The following FNBP1 variants were observed in gnomAD, a reference collection of about 807,000 sequenced individuals.
FNBP1 encodes formin-binding protein 1.
In FNBP1, 26 loss-of-function variants were observed where a neutral mutation model predicts 90.6. The ratio of observed to expected loss-of-function variants is 0.29; its 90% CI spans 0.21 to 0.40. The LOEUF (loss-of-function observed/expected upper bound fraction) is 0.40. Among genes scored for constraint, FNBP1 ranks in the 10% least tolerant of loss-of-function variants. The probability of loss-of-function intolerance (pLI) is 1.00; values close to 1 mark genes in which losing one functional copy is unlikely to be tolerated. For synonymous variants in FNBP1, 260 were observed against 265.2 expected (o/e 0.98, Z 0.19); for missense variants, 635 against 768.0 (o/e 0.83, Z 2.05).
At chr9:130,032,087 C>A (rs1291806052) in intron 1 of FNBP1, among the ~76,000 whole-genome samples, 3 of 152,076 alleles carry the variant, frequency 2.0e-5, no homozygotes, top group Non-Finnish European at 4.4e-5. Flanking sequence ...CCTAGAATGA[C>A]AGGGAGACTT....
At chr9:129,908,456 C>T (rs1312423970) in intron 12 of FNBP1, among the ~76,000 whole-genome samples, 2 of 151,508 alleles carry the variant, frequency 1.3e-5, no homozygotes, top group Non-Finnish European at 2.9e-5. Context: ...CTTCCTGCCT[C>T]AGCCTCCCAA....
In FNBP1 at chr9:129,889,521, G is replaced by A. The variant is rs1355288655; in HGVS notation, c.*1018C>T. On this transcript the variant is annotated 3_prime_UTR_variant, in exon 17 of 17. Transcript: ENST00000446176. ...GGAGGTGGAGGTTGTAGTGAGCCGA[G>A]ATCATGCCACTGCACTCCAGTCTGA... The A allele has an allele frequency of 7.5e-5, 14 of 186,962 alleles. No individual in the cohort carries two copies. Among genetic ancestry groups the A allele is most frequent in the African/African-American group, 3.4e-4 (14 of 40,598 alleles). 11.6% of individuals were successfully genotyped at this position (186,962 alleles called of 1,614,324 possible). A position where few individuals can be genotyped will look rare whatever the true frequency, so the allele number is the denominator to read the frequency against.
chr9:130,034,815 T>C (rs1488274502), intron 1 of FNBP1, among the ~76,000 whole-genome samples: 4 of 151,984 alleles, frequency 2.6e-5, no homozygotes, highest in Non-Finnish European at 5.9e-5. Flanking sequence ...GAAATATGAG[T>C]GAGTGGTGGG....
At chr9:130,051,842 G>A in the FNBP1 span, among the ~76,000 whole-genome samples, 1 of 152,012 alleles carries the variant, frequency 6.6e-6, no homozygotes, top group Non-Finnish European at 1.5e-5. Context: ...AAAATAAAAT[G>A]TACTTGACTA....
At chr9:129,992,580 G>T (rs2053358137) in intron 2 of FNBP1, among the ~76,000 whole-genome samples, 1 of 118,754 alleles carries the variant, frequency 8.4e-6, no homozygotes, top group Admixed American at 1.1e-4. Context: ...TTGAGATGGA[G>T]TCTTGCTCTG....
chr9:130,041,691 T>G lies in FNBP1; in HGVS notation c.24+1261A>C, dbSNP rs1183732524. ...GAATTATCTTAATTTAAGGGAGCTATTGCCCTCAGGATTTTGGTAATAACA... is the reference window on the plus strand; with the variant it reads ...GAATTATCTTAATTTAAGGGAGCTAGTGCCCTCAGGATTTTGGTAATAACA... On this transcript the variant is annotated intron_variant, in intron 1 of 16. Transcript: ENST00000446176. The surrounding 1 kb of genome is among the most constrained non-coding windows in gnomAD (Gnocchi z 4.3). Among the ~76,000 whole-genome samples the G allele has an allele frequency of 6.6e-6, 1 of 152,240 alleles. No individual in the cohort carries two copies. The highest frequency in any genetic ancestry group is 1.5e-5 in the Non-Finnish European group (1 of 68,044).
chr9:130,019,252 G>A (rs2057570424), intron 1 of FNBP1, among the ~76,000 whole-genome samples: 1 of 147,154 alleles, frequency 6.8e-6, no homozygotes. Context: ...AGTGAGCCGA[G>A]ATCGCGCCAC....
chr9:130,051,998 G>T, the FNBP1 span, among the ~76,000 whole-genome samples: 1 of 152,142 alleles, frequency 6.6e-6, no homozygotes, highest in Non-Finnish European at 1.5e-5. Context: ...CAGCCTGTTT[G>T]TTTCCAGTTA....
rs2059831857 is a variant in FNBP1, at chr9:130,041,703, T to G, written c.24+1249A>C. Among the ~76,000 whole-genome samples, 2 of 152,242 alleles carry G rather than the reference T, an allele frequency of 1.3e-5. No individual in the cohort carries two copies. On this transcript the variant is annotated intron_variant, in intron 1 of 16. Transcript: ENST00000446176. This position sits in a 1 kb window ranked among gnomAD's most constrained non-coding sequence, Gnocchi z 4.3. Reference sequence around the variant, plus strand: ...TTTAAGGGAGCTATTGCCCTCAGGATTTTGGTAATAACAACCGTAGCTGCT... The same window carrying G: ...TTTAAGGGAGCTATTGCCCTCAGGAGTTTGGTAATAACAACCGTAGCTGCT...
chr9:130,043,003 G>A lies in FNBP1; in HGVS notation c.-28C>T. The A allele has an allele frequency of 1.6e-6, 2 of 1,223,924 alleles. No individual in the cohort carries two copies. Among genetic ancestry groups the A allele is most frequent in the Non-Finnish European group, 2.0e-6 (2 of 983,212 alleles). 75.8% of individuals were successfully genotyped at this position (1,223,924 alleles called of 1,614,324 possible). A position where few individuals can be genotyped will look rare whatever the true frequency, so the allele number is the denominator to read the frequency against. ...TGCAGGGGACGCGAAGGGGCGCTCC[G>A]CGCGGCGGGCGCGGCTCTCTGGTCC... On this transcript the variant is annotated 5_prime_UTR_variant, in exon 1 of 17. Transcript: ENST00000446176.
At chr9:129,948,653 C>A (rs2045716200) in intron 6 of FNBP1, among the ~76,000 whole-genome samples, 1 of 152,070 alleles carries the variant, frequency 6.6e-6, no homozygotes, top group Non-Finnish European at 1.5e-5. Context: ...AGCGATTCTC[C>A]TGCCTTAGCC....
the FNBP1 span, among the ~76,000 whole-genome samples, chr9:130,048,483 TCA>T: frequency 0.07 from 8,314 of 118,806 alleles, 365 homozygotes; most frequent in Middle Eastern, 0.12. Context: ...TCTCTAAGCC[TCA>T]GTTTCCTTTT....
intron 11 of FNBP1, among the ~76,000 whole-genome samples, chr9:129,912,148 C>T (rs1412435962): frequency 6.6e-6 from 1 of 152,102 alleles, no homozygotes; most frequent in Non-Finnish European, 1.5e-5. Context: ...GGATCAGCCA[C>T]TATCTCCAGG....
At chr9:129,945,056 T>C (rs1019121885) in intron 6 of FNBP1, among the ~76,000 whole-genome samples, 2 of 152,190 alleles carry the variant, frequency 1.3e-5, no homozygotes, top group Non-Finnish European at 2.9e-5. Flanking sequence ...ATCTAGGGTA[T>C]GAGAACGATG....
intron 6 of FNBP1, among the ~76,000 whole-genome samples, chr9:129,935,141 T>A (rs367911730): frequency 1.4e-5 from 2 of 147,962 alleles, no homozygotes; most frequent in South Asian, 2.1e-4. Context: ...TTTTTTTTTT[T>A]AAGACAGGGT....
rs571413380 is a variant in FNBP1 at position 129,896,922 on chromosome 9, C to T, written c.1688-926G>A. 8.5e-5 allele frequency among the ~76,000 whole-genome samples: 13 copies of T among 152,358 alleles called. No homozygotes were observed. The South Asian group carries it at 1.2e-3, about 15-fold the overall frequency. ...CTGGGATTACAGGCGTGAGCCACCA[C>T]GCCCGGCCCAACTGCTCCTCTTTAA... On this transcript the variant is annotated intron_variant, in intron 15 of 16. Coordinates refer to ENST00000446176, the MANE Select transcript of FNBP1 (RefSeq NM_015033.3).
At chr9:129,897,228 A>G (rs911969840) in intron 15 of FNBP1, among the ~76,000 whole-genome samples, 5 of 152,094 alleles carry the variant, frequency 3.3e-5, no homozygotes, top group East Asian at 3.8e-4. Flanking sequence ...CAGTTTGTCA[A>G]TGGCGGCATC....
intron 6 of FNBP1, among the ~76,000 whole-genome samples, chr9:129,956,172 A>G (rs2046913850): frequency 6.6e-6 from 1 of 152,172 alleles, no homozygotes; most frequent in South Asian, 2.1e-4. Context: ...TGGCAAGAAT[A>G]TGTATTTTAA....
chr9:130,023,205 GA>G (rs897258786), intron 1 of FNBP1, among the ~76,000 whole-genome samples: 87 of 146,636 alleles, frequency 5.9e-4, no homozygotes, highest in Middle Eastern at 3.5e-3. Context: ...CTCCAGGGAA[GA>G]AAAAAAAAAA....
Sources: allele counts gnomAD v4.1 joint callset (sites outside exome capture counted in the v4.1 genomes callset), GRCh38; gene constraint gnomAD v4.1.1; non-coding constraint Gnocchi (gnomAD v3.1); transcripts MANE v1.5; gene names NCBI Gene and HGNC (gene_info 2026-07-23, HGNC 2026-07-21).